Variants in TENM3 observed in about 807,000 individuals in gnomAD.
TENM3 encodes teneurin transmembrane protein 3.
Under a neutral mutation model 255.1 loss-of-function variants are expected in TENM3, and 63 were observed. The ratio of observed to expected loss-of-function variants is 0.25; its 90% confidence interval spans 0.20 to 0.30. The LOEUF (loss-of-function observed/expected upper bound fraction) is 0.30. Among genes scored for constraint, TENM3 ranks in the 10% least tolerant of loss-of-function variants. TENM3 has a pLI of 1.00. For synonymous variants in TENM3, 1,306 were observed against 1,322.3 expected, an observed-to-expected ratio of 0.99 and a Z score of 0.27; for missense variants, 2,929 against 3,461.1, an observed-to-expected ratio of 0.85 and a Z score of 3.86.
chr4:181,871,269 C>A, the TENM3 span, among the ~76,000 whole-genome samples: 1 of 151,980 alleles, frequency 6.6e-6, no homozygotes, highest in Non-Finnish European at 1.5e-5. Context: ...ATCAACTAGT[C>A]ATTTTCTATA....
At chr4:182,517,116 A>G (rs1269678718) in intron 3 of TENM3, among the ~76,000 whole-genome samples, 1 of 152,132 alleles carries the variant, frequency 6.6e-6, no homozygotes, top group African/African-American at 2.4e-5. Flanking sequence ...AGGAATAGAA[A>G]CTCTGCATTT....
At chr4:182,636,002 T>C (rs1015842776) in intron 5 of TENM3, among the ~76,000 whole-genome samples, 2 of 152,236 alleles carry the variant, frequency 1.3e-5, no homozygotes, top group Non-Finnish European at 2.9e-5. Context: ...CATTCTTTTT[T>C]CTTTTTGGAC....
At chr4:181,988,486 C>G in the TENM3 span, among the ~76,000 whole-genome samples, 4 of 152,048 alleles carry the variant, frequency 2.6e-5, no homozygotes, top group Non-Finnish European at 5.9e-5. Flanking sequence ...GCCAGGAACA[C>G]AGCTGTTGTT....
chr4:181,545,856 A>G, the TENM3 span, among the ~76,000 whole-genome samples: 1 of 152,086 alleles, frequency 6.6e-6, no homozygotes, highest in East Asian at 1.9e-4. Flanking sequence ...GAAGAAAGAA[A>G]TATATGTTTT....
chr4:182,409,803 T>A (rs1189322794), intron 3 of TENM3, among the ~76,000 whole-genome samples: 1 of 152,098 alleles, frequency 6.6e-6, no homozygotes, highest in East Asian at 1.9e-4. Context: ...TTCCTTTTTA[T>A]AATTTTCTTC....
chr4:182,418,926 A>G (rs1374916066), intron 3 of TENM3, among the ~76,000 whole-genome samples: 1 of 152,170 alleles, frequency 6.6e-6, no homozygotes, highest in African/African-American at 2.4e-5. Flanking sequence ...ATACCTCTCA[A>G]CAGACCTCAG....
intron 24 of TENM3, among the ~76,000 whole-genome samples, chr4:182,787,091 A>G (rs1387115931): frequency 6.6e-6 from 1 of 151,516 alleles, no homozygotes; most frequent in African/African-American, 2.5e-5. Flanking sequence ...AGGTACACAA[A>G]GTATTCTACA....
chr4:181,509,068 A>C, the TENM3 span, among the ~76,000 whole-genome samples: 2 of 152,086 alleles, frequency 1.3e-5, no homozygotes, highest in East Asian at 3.9e-4. Context: ...TTAAAGGTTA[A>C]AAAATAAAGC....
intron 3 of TENM3, among the ~76,000 whole-genome samples, chr4:182,594,571 T>C (rs552567084): frequency 6.6e-6 from 1 of 152,148 alleles, no homozygotes; most frequent in African/African-American, 2.4e-5. Context: ...GCGTATTTGC[T>C]TGTGTGTTCT....
rs1756765768 is a variant in TENM3, at chr4:182,688,468, T to G, written c.2221+117T>G. 7 of 796,246 alleles carry G rather than the reference T, an allele frequency of 8.8e-6. No homozygotes were observed. The Admixed American group carries it at 1.6e-4, about 18-fold the overall frequency. The allele number at this position is 796,246 out of a possible 1,614,324, so 49.3% of individuals were successfully genotyped here. A position where few individuals can be genotyped will look rare whatever the true frequency, so the allele number is the denominator to read the frequency against. ...TTACGTTATTTTTTACTTGTCTTTC[T>G]TAACACGAAATTATTTTTTAAATAT... On this transcript the variant is annotated intron_variant, in intron 12 of 27. Coordinates refer to ENST00000511685, the MANE Select transcript of TENM3 (RefSeq NM_001080477.4).
the TENM3 span, among the ~76,000 whole-genome samples, chr4:182,092,715 T>C: frequency 2.0e-5 from 3 of 152,322 alleles, no homozygotes; most frequent in Middle Eastern, 3.4e-3. Context: ...TTAGAGATTT[T>C]TTTTCTGCCT....
chr4:181,464,775 G>A, the TENM3 span, among the ~76,000 whole-genome samples: 2 of 151,810 alleles, frequency 1.3e-5, no homozygotes, highest in Non-Finnish European at 2.9e-5. Flanking sequence ...ATATGGTGAA[G>A]CCCCGTCTCT....
chr4:181,668,317 G>A, the TENM3 span, among the ~76,000 whole-genome samples: 1 of 152,254 alleles, frequency 6.6e-6, no homozygotes, highest in Non-Finnish European at 1.5e-5. Flanking sequence ...AATTGAATCA[G>A]TCCTCTGCAT....
At chr4:181,520,744 G>A in the TENM3 span, among the ~76,000 whole-genome samples, 1 of 152,082 alleles carries the variant, frequency 6.6e-6, no homozygotes, top group East Asian at 1.9e-4. Flanking sequence ...TAATGAAAAT[G>A]AAGATATGGA....
chr4:182,156,011 ATTTTTT>A (rs56399249), intron 1 of TENM3, among the ~76,000 whole-genome samples: 2 of 118,558 alleles, frequency 1.7e-5, no homozygotes, highest in Non-Finnish European at 3.5e-5. Context: ...CTGTTTGAGG[ATTTTTT>A]TTTTTTTTTT....
intron 1 of TENM3, among the ~76,000 whole-genome samples, chr4:182,303,094 G>A (rs1561299137): frequency 6.6e-6 from 1 of 151,750 alleles, no homozygotes; most frequent in African/African-American, 2.4e-5. Context: ...CGGCATTCTC[G>A]GTGATGGGAA....
At chr4:182,546,632 A>G (rs1009306681) in intron 3 of TENM3, among the ~76,000 whole-genome samples, 4 of 151,670 alleles carry the variant, frequency 2.6e-5, no homozygotes, top group Non-Finnish European at 4.4e-5. Context: ...ATTTTACTTC[A>G]GTTAATTAAA....
chr4:181,698,985 G>A, the TENM3 span, among the ~76,000 whole-genome samples: 2 of 152,106 alleles, frequency 1.3e-5, no homozygotes, highest in African/African-American at 2.4e-5. Context: ...AGACTATTTT[G>A]CTGAGGACTG....
intron 6 of TENM3, among the ~76,000 whole-genome samples, chr4:182,656,949 C>G (rs188166271): frequency 6.6e-6 from 1 of 152,064 alleles, no homozygotes; most frequent in Non-Finnish European, 1.5e-5. Flanking sequence ...TTATCAGAAG[C>G]GTAGGGTCTT....
Sources: allele counts gnomAD v4.1 joint callset (sites outside exome capture counted in the v4.1 genomes callset), GRCh38; gene constraint gnomAD v4.1.1; transcripts MANE v1.5; gene names NCBI Gene and HGNC (gene_info 2026-07-23, HGNC 2026-07-21).